The following PRRC2B variants were observed in gnomAD, a reference collection of about 807,000 sequenced individuals.
The protein encoded by PRRC2B is protein PRRC2B.
A neutral mutation model predicts 242.3 loss-of-function variants in PRRC2B; 68 were observed. The ratio of observed to expected loss-of-function variants is 0.28; its 90% confidence interval spans 0.23 to 0.34. The LOEUF is 0.34. PRRC2B is among the 10% of genes least tolerant of loss of function. PRRC2B has a pLI of 1.00. For synonymous variants in PRRC2B, 1,228 were observed against 1,173.6 expected (o/e 1.05, Z -0.95); for missense variants, 2,835 against 2,954.8 (o/e 0.96, Z 0.94).
intron 10 of PRRC2B, 23 bp from the exon 11 acceptor site, chr9:131,459,141 A>G (rs1226226269): frequency 6.2e-7 from 1 of 1,604,194 alleles, no homozygotes; most frequent in African/African-American, 1.3e-5. Context: ...CAAAAACTTA[A>G]CATCAAATGT....
chr9:131,398,851 G>T (rs1837140116), intron 1 of PRRC2B, among the ~76,000 whole-genome samples: 1 of 152,174 alleles, frequency 6.6e-6, no homozygotes, highest in South Asian at 2.1e-4. Context: ...AGTGGCGCAT[G>T]CCTGTAGTTC....
chr9:131,456,230 T>G (rs1382790137), intron 10 of PRRC2B, among the ~76,000 whole-genome samples: 1 of 96,152 alleles, frequency 1.0e-5, no homozygotes, highest in Non-Finnish European at 2.2e-5. Flanking sequence ...TTTTTTTTTT[T>G]GGATCATTTC....
chr9:131,407,830 AC>A (rs1386000218), intron 1 of PRRC2B, among the ~76,000 whole-genome samples: 6 of 152,154 alleles, frequency 3.9e-5, no homozygotes, highest in African/African-American at 1.4e-4. Context: ...CCTGGTTCTC[AC>A]TTCACCTCTG....
chr9:131,417,836 G>C (rs1189634570), intron 1 of PRRC2B, among the ~76,000 whole-genome samples: 1 of 152,188 alleles, frequency 6.6e-6, no homozygotes, highest in Non-Finnish European at 1.5e-5. Context: ...ATGTACACGG[G>C]TGTGGGAGTA....
rs112645654 is a variant in PRRC2B at position 131,470,487 on chromosome 9, G to A, written c.1912-301G>A. Among the ~76,000 whole-genome samples the A allele has an allele frequency of 8.8e-3, 1,334 of 152,270 alleles. 17 individuals carry two copies. The highest frequency in any genetic ancestry group is 0.028 in the African/African-American group (1,183 of 41,556). ...GACATTCTGTGGGAGGCTGCTGTTC[G>A]GTTCCAGGAGTGTCTGATCTAGGTG... On this transcript the variant is annotated intron_variant, in intron 13 of 31. Transcript: ENST00000683519.
intron 16 of PRRC2B, 106 bp downstream of exon 16, chr9:131,476,641 C>A: frequency 5.9e-6 from 6 of 1,023,486 alleles, no homozygotes; most frequent in South Asian, 1.7e-5. Flanking sequence ...GGCTGGGGGC[C>A]TGCCCCCAGG....
chr9:131,390,129 G>A (rs573034551), upstream of PRRC2B, among the ~76,000 whole-genome samples: 21 of 149,924 alleles, frequency 1.4e-4, no homozygotes, highest in South Asian at 3.4e-3. Flanking sequence ...TGGCCAGGAT[G>A]GTCTTGATCT....
At chr9:131,393,257 AC>A (rs924657356), upstream of PRRC2B, among the ~76,000 whole-genome samples, 4 of 152,226 alleles carry the variant, frequency 2.6e-5, no homozygotes, top group Admixed American at 2.0e-4. Context: ...GCTTAGAGCA[AC>A]CGTGACTGGA....
chr9:131,440,994 G>A (rs1374097592), intron 5 of PRRC2B, among the ~76,000 whole-genome samples: 1 of 152,084 alleles, frequency 6.6e-6, no homozygotes, highest in Admixed American at 6.6e-5. Flanking sequence ...CCAGCTACTT[G>A]GGAGGCTTGA....
In PRRC2B at chr9:131,498,867, TC is replaced by T. The variant is rs1160799345; in HGVS notation, c.*2995del. 5 of 152,196 alleles carry T rather than the reference TC, an allele frequency of 3.3e-5. No individual in the cohort carries two copies. The highest frequency in any genetic ancestry group is 7.4e-5 in the Non-Finnish European group (5 of 68,020). The allele number at this position is 152,196 out of a possible 1,614,324, so 9.4% of individuals were successfully genotyped here. On this transcript the variant is annotated 3_prime_UTR_variant, in exon 32 of 32. Transcript: ENST00000683519. ...CACCATCCACTAGAGTGGGATGAAGTCCAGAGTGTGGGTATACATCTCAGAT... is the reference window on the plus strand; with the variant it reads ...CACCATCCACTAGAGTGGGATGAAGTCAGAGTGTGGGTATACATCTCAGAT...
rs562497262 is a variant in PRRC2B, at chr9:131,385,652, G to C, written c.-56+11921G>C. ...TGCAAGTGTTAATTAAGTTATCTTA[G>C]CAGCATGCCTGGCCCAGAAAAATGC... On this transcript the variant is annotated intron_variant, in intron 1 of 1. Coordinates refer to the PRRC2B transcript ENST00000682525. Among the ~76,000 whole-genome samples the C allele has an allele frequency of 1.7e-3, 257 of 150,720 alleles. 17 individuals are homozygous for C. The highest frequency in any genetic ancestry group is 3.4e-3 in the Middle Eastern group (1 of 292).
At chr9:131,485,734 G>A (rs765612938) in intron 25 of PRRC2B, 3 of 579,388 alleles carry the variant, frequency 5.2e-6, no homozygotes, top group African/African-American at 3.7e-5. Flanking sequence ...GAGATGAAGA[G>A]GACAGTGACT....
chr9:131,466,498 A>G (rs1029378749), intron 12 of PRRC2B, among the ~76,000 whole-genome samples: 2 of 152,218 alleles, frequency 1.3e-5, no homozygotes, highest in African/African-American at 4.8e-5. Context: ...CTTTTAAAAA[A>G]ATGTTTTTTC....
chr9:131,398,216 T>A (rs1419963104), intron 1 of PRRC2B, among the ~76,000 whole-genome samples: 1 of 152,240 alleles, frequency 6.6e-6, no homozygotes, highest in South Asian at 2.1e-4. Context: ...TATTACTGTT[T>A]ATACCTCTGG....
Position 131,476,123 on chromosome 9 carries a change from C to T in PRRC2B, c.3994C>T (p.Pro1332Ser), listed in dbSNP as rs776323230. 13 of 1,609,976 alleles carry T rather than the reference C, an allele frequency of 8.1e-6. No homozygotes were observed. The highest frequency in any genetic ancestry group is 1.1e-5 in the Non-Finnish European group (13 of 1,177,524). ...GGGCCTGTGGGGACCCGAGGAGGAG[C>T]CCCACCTGCTGGCAGGTCAGTGGCC... ...SLGLWGPEEE[P>S]HLLAGQWPGR... Residue 1332 changes from proline to serine, a missense_variant, in exon 16 of 32, where the codon CCC becomes TCC. Physicochemically the swap from Pro to Ser is moderately conservative, Grantham distance 74. Coordinates refer to ENST00000683519, the MANE Select transcript of PRRC2B (RefSeq NM_013318.4).
At chr9:131,426,218 A>ATTAC (rs1331661469) in intron 1 of PRRC2B, among the ~76,000 whole-genome samples, 7 of 151,608 alleles carry the variant, frequency 4.6e-5, no homozygotes, top group Non-Finnish European at 8.8e-5. Context: ...CACACCTGTA[A>ATTAC]GCCCAGCTAC....
intron 11 of PRRC2B, among the ~76,000 whole-genome samples, chr9:131,461,645 G>A (rs538470402): frequency 9.2e-5 from 14 of 152,320 alleles, no homozygotes; most frequent in African/African-American, 2.4e-4. Context: ...GGGTTCAAGC[G>A]ATTCTCCTGC....
At chr9:131,407,755 A>G (rs1322975267) in intron 1 of PRRC2B, among the ~76,000 whole-genome samples, 4 of 152,186 alleles carry the variant, frequency 2.6e-5, no homozygotes, top group Admixed American at 6.5e-5. Flanking sequence ...TATAGCAGCA[A>G]ACACCCGAGG....
chr9:131,471,037 G>A, intron 14 of PRRC2B, 54 bp downstream of exon 14: 1 of 1,326,374 alleles, frequency 7.5e-7, no homozygotes, highest in South Asian at 1.3e-5. Flanking sequence ...TAGCGTGGTG[G>A]TCAAGGGTGT....
Sources: gnomAD v4.1 joint callset for allele counts (sites outside exome capture counted in the v4.1 genomes callset) on GRCh38, gnomAD v4.1.1 for gene constraint, MANE v1.5 for transcripts, NCBI Gene and HGNC (gene_info 2026-07-23, HGNC 2026-07-21) for gene names.